IGSF3: variants seen among roughly 807,000 people sequenced by gnomAD.
The protein encoded by IGSF3 is immunoglobulin superfamily member 3.
Under a neutral mutation model 114.4 loss-of-function variants are expected in IGSF3, and 23 were observed. The observed-to-expected ratio is 0.20, with a 90% confidence interval of 0.14 to 0.28. The LOEUF (loss-of-function observed/expected upper bound fraction) is 0.28, where lower values mean the gene tolerates loss of function less well. IGSF3 is among the 10% of genes least tolerant of loss of function. IGSF3 has a pLI of 1.00. For missense variants in IGSF3, 1,172 were observed against 1,591.5 expected (o/e 0.74, Z 4.48); for synonymous variants, 571 against 645.2 (o/e 0.88, Z 1.74).
chr1:116,629,673 C>G lies in IGSF3; in HGVS notation c.44-13216G>C, dbSNP rs1350655460. On this transcript the variant is annotated intron_variant, in intron 2 of 10. Coordinates refer to ENST00000369486, the MANE Select transcript of IGSF3 (RefSeq NM_001007237.3). The surrounding 1 kb of genome is among the most constrained non-coding windows in gnomAD (Gnocchi z 4.3). Reference sequence around the variant, plus strand: ...AGCCAGCCTGGTCAGGTCAACTTTGCAGGTGTGTGAAGTGTCAAATGGTTA... The same window carrying G: ...AGCCAGCCTGGTCAGGTCAACTTTGGAGGTGTGTGAAGTGTCAAATGGTTA... 6.6e-6 allele frequency among the ~76,000 whole-genome samples: 1 copy of G among 152,186 alleles called. No homozygotes were observed. Among genetic ancestry groups the G allele is most frequent in the Non-Finnish European group, 1.5e-5 (1 of 68,034 alleles).
chr1:116,623,819 C>T (rs528117985), intron 2 of IGSF3, among the ~76,000 whole-genome samples: 5 of 151,512 alleles, frequency 3.3e-5, no homozygotes, highest in African/African-American at 1.2e-4. Context: ...GGCACAGTGG[C>T]TCATGCCTAT....
chr1:116,641,754 A>G (rs775482779), intron 2 of IGSF3, among the ~76,000 whole-genome samples: 3 of 152,028 alleles, frequency 2.0e-5, no homozygotes, highest in Non-Finnish European at 4.4e-5. Flanking sequence ...TATTATTTCA[A>G]TCAGAAGACT....
At position 116,627,513 on chromosome 1, in the gene IGSF3, G is replaced by A. The variant is rs140177212; in HGVS notation, c.44-11056C>T. ...CTGCCTGCACCTCCTCCTGGAGCTG[G>A]CAGGGCCCCAGCAGTGCGCCTCTCA... On this transcript the variant is annotated intron_variant, in intron 2 of 10. Transcript: ENST00000369486. The surrounding 1 kb of genome is among the most constrained non-coding windows in gnomAD (Gnocchi z 4.7). 1.3e-5 allele frequency among the ~76,000 whole-genome samples: 2 copies of A among 152,258 alleles called. No individual in the cohort carries two copies. The highest frequency in any genetic ancestry group is 3.9e-4 in the East Asian group (2 of 5,184).
intron 9 of IGSF3, among the ~76,000 whole-genome samples, chr1:116,580,161 T>C (rs1659539862): frequency 6.6e-6 from 1 of 152,246 alleles, no homozygotes; most frequent in Non-Finnish European, 1.5e-5. Context: ...GAAGAATTCA[T>C]AAGAAGCTGG....
At chr1:116,660,980 T>C (rs1447586527) in intron 2 of IGSF3, among the ~76,000 whole-genome samples, 3 of 152,160 alleles carry the variant, frequency 2.0e-5, no homozygotes, top group Admixed American at 6.5e-5. Flanking sequence ...ACCTACCTTG[T>C]GAAACCATTC....
chr1:116,637,338 G>A (rs1486391275), intron 2 of IGSF3, among the ~76,000 whole-genome samples: 1 of 152,174 alleles, frequency 6.6e-6, no homozygotes, highest in Non-Finnish European at 1.5e-5. Context: ...ATGGACAACA[G>A]GTGAGCACAT....
chr1:116,656,980 C>T (rs758704589), intron 2 of IGSF3, among the ~76,000 whole-genome samples: 21 of 152,116 alleles, frequency 1.4e-4, no homozygotes, highest in Non-Finnish European at 2.6e-4. Context: ...ATATAAGCTA[C>T]CTCCTGAAGT....
At chr1:116,602,869 AC>A (rs1192779023) in intron 6 of IGSF3, among the ~76,000 whole-genome samples, 2 of 152,258 alleles carry the variant, frequency 1.3e-5, no homozygotes, top group African/African-American at 4.8e-5. Context: ...AAGCCTCTTT[AC>A]CCCATGAGAA....
rs913572896 is a variant in IGSF3 at position 116,603,319 on chromosome 1, G to T, written c.1624+305C>A. ...ATGGCTGGGTGGCTTCACTAACCTGGATAGAGTTCTGATAACATCACTCTC... is the reference window on the plus strand; with the variant it reads ...ATGGCTGGGTGGCTTCACTAACCTGTATAGAGTTCTGATAACATCACTCTC... On this transcript the variant is annotated intron_variant, in intron 6 of 10. Coordinates refer to ENST00000369486, the MANE Select transcript of IGSF3 (RefSeq NM_001007237.3). This position sits in a 1 kb window ranked among gnomAD's most constrained non-coding sequence, Gnocchi z 7.1. 2.0e-5 allele frequency among the ~76,000 whole-genome samples: 3 copies of T among 152,092 alleles called. No individual in the cohort carries two copies. The highest frequency in any genetic ancestry group is 4.4e-5 in the Non-Finnish European group (3 of 67,994).
chr1:116,631,557 G>A (rs1180003459), intron 2 of IGSF3, among the ~76,000 whole-genome samples: 2 of 152,136 alleles, frequency 1.3e-5, no homozygotes, highest in Non-Finnish European at 2.9e-5. Flanking sequence ...GGAGTGAAAG[G>A]GGGTGGTCTG....
In IGSF3 at chr1:116,588,235, G is replaced by A. The variant is rs1288583740; in HGVS notation, c.2440+459C>T. Among the ~76,000 whole-genome samples the A allele has an allele frequency of 2.0e-5, 3 of 152,182 alleles. No individual in the cohort carries two copies. Among genetic ancestry groups the A allele is most frequent in the African/African-American group, 4.8e-5 (2 of 41,434 alleles). On this transcript the variant is annotated intron_variant, in intron 8 of 10. Transcript: ENST00000369486. The surrounding 1 kb of genome is among the most constrained non-coding windows in gnomAD (Gnocchi z 4.9). ...GAGGAATGATTCAGTTTGGAGATAG[G>A]AAAGGCTTGTCTGGGCGGGCTGGGA...
rs190300523 is a variant in IGSF3 at position 116,600,129 on chromosome 1, C to T, written c.1841G>A (p.Arg614Gln). Residue 614 changes from arginine to glutamine, a missense_variant, in exon 7 of 11, where the codon CGA becomes CAA. Coordinates refer to ENST00000369486, the MANE Select transcript of IGSF3 (RefSeq NM_001007237.3). The surrounding 1 kb of genome is among the most constrained non-coding windows in gnomAD (Gnocchi z 5.5). ...VQWGDRSSSF[R>Q]TRTAIEKAES... is the part of the protein sequence containing the mutation. ...AGCCTTCTCGATGGCAGTTCGGGTT[C>T]GGAAGCTGGAGGACCTGTCCCCCCA... The T allele has an allele frequency of 7.4e-6, 12 of 1,613,900 alleles. No individual in the cohort carries two copies. Among genetic ancestry groups the T allele is most frequent in the South Asian group, 3.3e-5 (3 of 91,064 alleles).
chr1:116,594,371 T>C lies in IGSF3; in HGVS notation c.2030-5267A>G, dbSNP rs1190081625. On this transcript the variant is annotated intron_variant, in intron 7 of 10. Coordinates refer to ENST00000369486, the MANE Select transcript of IGSF3 (RefSeq NM_001007237.3). The surrounding 1 kb of genome is among the most constrained non-coding windows in gnomAD (Gnocchi z 5.2). ...AATGTTATATTGTATATGAATTTCATTTCTGGGTAAAGGGAACATTATAAA... is the reference window on the plus strand; with the variant it reads ...AATGTTATATTGTATATGAATTTCACTTCTGGGTAAAGGGAACATTATAAA... Among the ~76,000 whole-genome samples the C allele has an allele frequency of 6.6e-6, 1 of 152,248 alleles. No individual in the cohort carries two copies. The highest frequency in any genetic ancestry group is 1.5e-5 in the Non-Finnish European group (1 of 68,038).
In IGSF3 at chr1:116,648,469, G is replaced by A. The variant is rs566604344; in HGVS notation, c.43+17815C>T. ...CTTTGTTTAAAGCACAGTCAGACCC[G>A]CCATCTGCACTTTTACCTGCTGCCT... On this transcript the variant is annotated intron_variant, in intron 2 of 10. Transcript: ENST00000369486. The surrounding 1 kb of genome is among the most constrained non-coding windows in gnomAD (Gnocchi z 4.7). 2.8e-4 allele frequency among the ~76,000 whole-genome samples: 43 copies of A among 152,216 alleles called. No individual in the cohort carries two copies. Among genetic ancestry groups the A allele is most frequent in the African/African-American group, 9.9e-4 (41 of 41,538 alleles).
chr1:116,636,105 C>G lies in IGSF3; in HGVS notation c.44-19648G>C, dbSNP rs1433904951. 1.3e-5 allele frequency among the ~76,000 whole-genome samples: 2 copies of G among 152,212 alleles called. No individual in the cohort carries two copies. The highest frequency in any genetic ancestry group is 2.4e-5 in the African/African-American group (1 of 41,454). ...TCACAGGTGCCAGCCATCACCCCGACCACACCCTCTCAAAAGGCCTTTGCC... is the reference window on the plus strand; with the variant it reads ...TCACAGGTGCCAGCCATCACCCCGAGCACACCCTCTCAAAAGGCCTTTGCC... On this transcript the variant is annotated intron_variant, in intron 2 of 10. Coordinates refer to ENST00000369486, the MANE Select transcript of IGSF3 (RefSeq NM_001007237.3). This position sits in a 1 kb window ranked among gnomAD's most constrained non-coding sequence, Gnocchi z 4.5.
rs1424593421 is a variant in IGSF3, at chr1:116,649,729, T to A, written c.43+16555A>T. Among the ~76,000 whole-genome samples the A allele has an allele frequency of 6.6e-6, 1 of 152,220 alleles. No homozygotes were observed. The highest frequency in any genetic ancestry group is 2.4e-5 in the African/African-American group (1 of 41,462). ...GTACCCAGCTACTTAATCCTTATCC[T>A]TCTTCCCAAGGCCCACTTTCATTCC... On this transcript the variant is annotated intron_variant, in intron 2 of 10. Transcript: ENST00000369486. This position sits in a 1 kb window ranked among gnomAD's most constrained non-coding sequence, Gnocchi z 4.5.
rs1489799696 is a variant in IGSF3 at position 116,642,641 on chromosome 1, T to C, written c.43+23643A>G. Among the ~76,000 whole-genome samples, 1 of 152,228 alleles carries C rather than the reference T, an allele frequency of 6.6e-6. No individual in the cohort carries two copies. ...AAGAAAAGCCTCACAAGAATTAAAA[T>C]TGATGGTTGGAACTGGGCGCTCCGA... is the stretch of plus-strand genomic sequence containing the variant. On this transcript the variant is annotated intron_variant, in intron 2 of 10. Transcript: ENST00000369486. The surrounding 1 kb of genome is among the most constrained non-coding windows in gnomAD (Gnocchi z 5.4).
In IGSF3 at chr1:116,588,634, C is replaced by A. The variant is rs556805170; in HGVS notation, c.2440+60G>T. Reference sequence around the variant, plus strand: ...ACCAGCCCCACAGATCCCCACCCACCCCCAGGCAGTCTCTGCACTAAACCC... The same window carrying A: ...ACCAGCCCCACAGATCCCCACCCACACCCAGGCAGTCTCTGCACTAAACCC... On this transcript the variant is annotated intron_variant, in intron 8 of 10. Coordinates refer to ENST00000369486, the MANE Select transcript of IGSF3 (RefSeq NM_001007237.3). The surrounding 1 kb of genome is among the most constrained non-coding windows in gnomAD (Gnocchi z 4.9). 4 of 1,421,404 alleles carry A rather than the reference C, an allele frequency of 2.8e-6. No individual in the cohort carries two copies. In the East Asian group the frequency reaches 9.2e-5, roughly 33 times the overall value. The allele number at this position is 1,421,404 out of a possible 1,614,324, so 88.0% of individuals were successfully genotyped here.
At position 116,612,435 on chromosome 1, in the gene IGSF3, T is replaced by C. The variant is rs494559; in HGVS notation, c.832+1330A>G. Reference sequence around the variant, plus strand: ...GAAAAAAATGTAGATAGCAGAAGAATCACCTGGGAAGCGTGCCGGAAATCC... The same window carrying C: ...GAAAAAAATGTAGATAGCAGAAGAACCACCTGGGAAGCGTGCCGGAAATCC... On this transcript the variant is annotated intron_variant, in intron 4 of 10. Coordinates refer to ENST00000369486, the MANE Select transcript of IGSF3 (RefSeq NM_001007237.3). The surrounding 1 kb of genome is among the most constrained non-coding windows in gnomAD (Gnocchi z 4.1). Among the ~76,000 whole-genome samples the C allele has an allele frequency of 0.32, 48,362 of 151,914 alleles. 9,016 individuals carry two copies. Among genetic ancestry groups the C allele is most frequent in the Non-Finnish European group, 0.41 (27,661 of 67,918 alleles).
Sources: allele counts gnomAD v4.1 joint callset (sites outside exome capture counted in the v4.1 genomes callset), GRCh38; gene constraint gnomAD v4.1.1; non-coding constraint Gnocchi (gnomAD v3.1); transcripts MANE v1.5; gene names NCBI Gene and HGNC (gene_info 2026-07-23, HGNC 2026-07-21).